Variants in ROR1 observed in about 807,000 individuals in gnomAD.
ROR1 encodes the protein ROR family WNT receptor 1, also known as inactive tyrosine-protein kinase transmembrane receptor ROR1.
A neutral mutation model predicts 78.8 loss-of-function variants in ROR1; 19 were observed. The ratio of observed to expected loss-of-function variants is 0.24; its 90% confidence interval spans 0.17 to 0.35. The LOEUF (loss-of-function observed/expected upper bound fraction) is 0.35, where lower values mean the gene tolerates loss of function less well. Among genes scored for constraint, ROR1 ranks in the 10% least tolerant of loss-of-function variants. The pLI, the probability that ROR1 is intolerant of heterozygous loss-of-function variation, is 1.00. For synonymous variants in ROR1, 386 were observed against 433.6 expected (o/e 0.89, Z 1.36); for missense variants, 917 against 1,177.8 (o/e 0.78, Z 3.24).
intron 1 of ROR1, among the ~76,000 whole-genome samples, chr1:63,996,696 T>C (rs1032533187): frequency 2.6e-5 from 4 of 152,168 alleles, no homozygotes; most frequent in African/African-American, 2.4e-5. Flanking sequence ...ATAGTTCTTT[T>C]TTTCCCCCCT....
chr1:63,985,184 T>A (rs1646240996), intron 1 of ROR1, among the ~76,000 whole-genome samples: 1 of 152,158 alleles, frequency 6.6e-6, no homozygotes, highest in African/African-American at 2.4e-5. Flanking sequence ...CTCAATTTGT[T>A]GTGTCTAGTC....
intron 1 of ROR1, among the ~76,000 whole-genome samples, chr1:63,927,632 G>A (rs1645716084): frequency 6.6e-6 from 1 of 151,604 alleles, no homozygotes. Context: ...CCTCATTTTA[G>A]ACGAGGAACC....
chr1:63,834,531 G>C (rs915748174), intron 1 of ROR1, among the ~76,000 whole-genome samples: 7 of 152,162 alleles, frequency 4.6e-5, no homozygotes, highest in African/African-American at 1.2e-4. Flanking sequence ...AAAAATGGCA[G>C]CTCTTCTGTT....
intron 4 of ROR1, among the ~76,000 whole-genome samples, chr1:64,072,537 C>T (rs1204475318): frequency 1.3e-5 from 2 of 152,140 alleles, no homozygotes; most frequent in African/African-American, 2.4e-5. Context: ...AAATGAAAAG[C>T]AGGATATTGT....
chr1:63,922,897 G>T lies in ROR1; in HGVS notation c.92-86408G>T, dbSNP rs181661907. On this transcript the variant is annotated intron_variant, in intron 1 of 8. Coordinates refer to ENST00000371079, the MANE Select transcript of ROR1 (RefSeq NM_005012.4). ...CTGAGGGTTGTTTCCATATTCCCCT[G>T]TATTACATGGATTAACCAGTGTTAG... Among the ~76,000 whole-genome samples the T allele has an allele frequency of 2.9e-3, 434 of 152,248 alleles. 2 individuals are homozygous for T. Among genetic ancestry groups the T allele is most frequent in the South Asian group, 5.2e-3 (25 of 4,822 alleles).
chr1:64,158,514 C>A (rs1423891255), intron 7 of ROR1, among the ~76,000 whole-genome samples: 2 of 152,180 alleles, frequency 1.3e-5, no homozygotes, highest in African/African-American at 2.4e-5. Context: ...GCAGGCTTGG[C>A]CCCATAAGTC....
At chr1:63,977,709 CA>C (rs1646173028) in intron 1 of ROR1, among the ~76,000 whole-genome samples, 1 of 152,100 alleles carries the variant, frequency 6.6e-6, no homozygotes, top group African/African-American at 2.4e-5. Context: ...TTTCACTTTT[CA>C]GAGGGAGAAA....
chr1:64,036,768 TGTA>T (rs1372616916), intron 2 of ROR1, among the ~76,000 whole-genome samples: 1 of 152,218 alleles, frequency 6.6e-6, no homozygotes, highest in African/African-American at 2.4e-5. Context: ...GCAACAATCA[TGTA>T]TTATTATTCT....
intron 2 of ROR1, among the ~76,000 whole-genome samples, chr1:64,025,846 G>A (rs1192480205): frequency 2.0e-5 from 3 of 152,114 alleles, no homozygotes; most frequent in Admixed American, 6.6e-5. Context: ...TGATACAATG[G>A]ACTCTGGAGA....
chr1:63,902,777 A>G (rs1168113238), intron 1 of ROR1, among the ~76,000 whole-genome samples: 2 of 152,162 alleles, frequency 1.3e-5, no homozygotes, highest in East Asian at 3.9e-4. Flanking sequence ...TGTAATGAAA[A>G]CAGGAGATAG....
At chr1:64,055,002 T>G (rs1226260654) in intron 4 of ROR1, among the ~76,000 whole-genome samples, 1 of 152,224 alleles carries the variant, frequency 6.6e-6, no homozygotes, top group African/African-American at 2.4e-5. Context: ...CCCCTTTTCA[T>G]AAGGACACCA....
intron 1 of ROR1, among the ~76,000 whole-genome samples, chr1:63,854,370 G>A (rs1645135382): frequency 6.6e-6 from 1 of 152,160 alleles, no homozygotes; most frequent in Admixed American, 6.5e-5. Flanking sequence ...TTGAAATCAA[G>A]GGAAAAACTG....
intron 1 of ROR1, among the ~76,000 whole-genome samples, chr1:64,004,983 C>G (rs570916490): frequency 6.6e-6 from 1 of 152,214 alleles, no homozygotes; most frequent in African/African-American, 2.4e-5. Flanking sequence ...GCTTGGTTTG[C>G]TCAAATTGGA....
chr1:63,986,732 G>T (rs1303959025), intron 1 of ROR1, among the ~76,000 whole-genome samples: 1 of 151,990 alleles, frequency 6.6e-6, no homozygotes, highest in Non-Finnish European at 1.5e-5. Flanking sequence ...TCTCTACACA[G>T]AAAATTTTTT....
At chr1:64,019,514 G>A (rs1039246545) in intron 2 of ROR1, among the ~76,000 whole-genome samples, 8 of 152,188 alleles carry the variant, frequency 5.3e-5, no homozygotes, top group Middle Eastern at 3.2e-3. Context: ...AGGGTAGATT[G>A]ATAGTGATAT....
intron 1 of ROR1, among the ~76,000 whole-genome samples, chr1:63,924,149 A>G (rs1256850218): frequency 6.6e-6 from 1 of 152,206 alleles, no homozygotes; most frequent in Non-Finnish European, 1.5e-5. Flanking sequence ...CTCTCCGTAG[A>G]AACTCACCAC....
chr1:63,908,340 G>C (rs1266704037), intron 1 of ROR1, among the ~76,000 whole-genome samples: 1 of 152,154 alleles, frequency 6.6e-6, no homozygotes, highest in Non-Finnish European at 1.5e-5. Context: ...GGAAATGCTG[G>C]TTCCTTCATG....
At chr1:64,147,789 T>A (rs897823543) in intron 7 of ROR1, among the ~76,000 whole-genome samples, 1 of 152,154 alleles carries the variant, frequency 6.6e-6, no homozygotes, top group Non-Finnish European at 1.5e-5. Flanking sequence ...AAACCAGGTC[T>A]CCTATCTCTA....
chr1:64,099,349 G>A (rs1417970389), intron 4 of ROR1, among the ~76,000 whole-genome samples: 2 of 152,064 alleles, frequency 1.3e-5, no homozygotes, highest in African/African-American at 4.8e-5. Context: ...TTGTTGCAAA[G>A]CACAGTGCCT....
Sources: allele counts gnomAD v4.1 joint callset (sites outside exome capture counted in the v4.1 genomes callset), GRCh38; gene constraint gnomAD v4.1.1; transcripts MANE v1.5; gene names NCBI Gene and HGNC (gene_info 2026-07-23, HGNC 2026-07-21).